Variants in IGF1R observed in about 807,000 individuals in gnomAD.
IGF1R encodes insulin-like growth factor 1 receptor.
IGF1R carries 44 observed loss-of-function variants against 144.6 expected under a neutral mutation model. The ratio of observed to expected loss-of-function variants is 0.30; its 90% confidence interval spans 0.24 to 0.39. The LOEUF (loss-of-function observed/expected upper bound fraction) is 0.39. Ranked by LOEUF, IGF1R falls within the 10% of genes least tolerant of loss-of-function variation. The pLI is 1.00. For synonymous variants in IGF1R, 795 were observed against 722.8 expected, an observed-to-expected ratio of 1.10 and a Z score of -1.60; for missense variants, 1,355 against 1,833.7, an observed-to-expected ratio of 0.74 and a Z score of 4.77.
At chr15:98,884,683 C>CAA (rs35707888) in intron 2 of IGF1R, among the ~76,000 whole-genome samples, 15,081 of 79,834 alleles carry the variant, frequency 0.19, 1,779 homozygotes, top group East Asian at 0.39. Context: ...CACTCCGTCT[C>CAA]AAAAAAAAAA....
At chr15:98,889,019 T>C (rs960975054) in intron 2 of IGF1R, among the ~76,000 whole-genome samples, 1 of 152,214 alleles carries the variant, frequency 6.6e-6, no homozygotes, top group Non-Finnish European at 1.5e-5. Flanking sequence ...TCAGGAGTCT[T>C]CCAGGAAGTT....
intron 2 of IGF1R, among the ~76,000 whole-genome samples, chr15:98,797,856 T>C (rs2056282106): frequency 6.6e-6 from 1 of 152,042 alleles, no homozygotes; most frequent in Non-Finnish European, 1.5e-5. Flanking sequence ...TGTCAGACAG[T>C]GGTAAGTGCT....
chr15:98,902,362 A>G (rs2014524454), intron 5 of IGF1R, among the ~76,000 whole-genome samples: 2 of 150,218 alleles, frequency 1.3e-5, no homozygotes, highest in Admixed American at 6.6e-5. Context: ...CTGCTGCCTA[A>G]TGTTTTAGAG....
chr15:98,877,919 T>A (rs976503549), intron 2 of IGF1R, among the ~76,000 whole-genome samples: 3 of 152,232 alleles, frequency 2.0e-5, no homozygotes, highest in African/African-American at 7.2e-5. Context: ...TCGTTTAAGT[T>A]ATGTTGACAT....
At chr15:98,864,677 C>T (rs560832328) in intron 2 of IGF1R, among the ~76,000 whole-genome samples, 23 of 152,168 alleles carry the variant, frequency 1.5e-4, no homozygotes, top group Non-Finnish European at 2.9e-5. Flanking sequence ...GGAGCCACAG[C>T]GCTCAGCCTA....
intron 1 of IGF1R, among the ~76,000 whole-genome samples, chr15:98,706,251 T>C (rs1021434358): frequency 6.6e-6 from 1 of 152,270 alleles, no homozygotes; most frequent in Non-Finnish European, 1.5e-5. Context: ...ATCATACATG[T>C]TGGGTGCTTC....
chr15:98,763,446 G>A (rs181684634), intron 2 of IGF1R, among the ~76,000 whole-genome samples: 8 of 151,850 alleles, frequency 5.3e-5, no homozygotes, highest in African/African-American at 1.9e-4. Context: ...ACCTGACGTG[G>A]CTGGGACTCC....
chr15:98,797,481 G>A (rs890594542), intron 2 of IGF1R, among the ~76,000 whole-genome samples: 9 of 152,156 alleles, frequency 5.9e-5, no homozygotes, highest in African/African-American at 9.7e-5. Context: ...TCTTTGCGTC[G>A]GAGCCATGTC....
chr15:98,679,641 T>A (rs1171923349), intron 1 of IGF1R, among the ~76,000 whole-genome samples: 1 of 152,232 alleles, frequency 6.6e-6, no homozygotes, highest in African/African-American at 2.4e-5. Context: ...TACTTGATAA[T>A]AAACAACCAT....
intron 20 of IGF1R, chr15:98,953,126 A>T (rs888840276): frequency 6.6e-6 from 1 of 152,110 alleles, no homozygotes; most frequent in Non-Finnish European, 1.5e-5. Flanking sequence ...AAAGTGTGTG[A>T]GTTGTGTGGT....
At position 98,919,439 on chromosome 15, in the gene IGF1R, T is replaced by G. The variant is rs117415053; in HGVS notation, c.2201+2563T>G. 1.4e-3 allele frequency among the ~76,000 whole-genome samples: 216 copies of G among 152,276 alleles called. 1 individual carries two copies. The East Asian group carries it at 0.016, about 11-fold the overall frequency. ...GTTGTGAGTCAAGGTTTTGGAAAGATTTTGCTGAAAGGCCCCTTGCTTTCA... is the reference window on the plus strand; with the variant it reads ...GTTGTGAGTCAAGGTTTTGGAAAGAGTTTGCTGAAAGGCCCCTTGCTTTCA... On this transcript the variant is annotated intron_variant, in intron 10 of 20. Transcript: ENST00000650285.
intron 2 of IGF1R, among the ~76,000 whole-genome samples, chr15:98,787,369 C>T (rs2056022879): frequency 6.6e-6 from 1 of 152,192 alleles, no homozygotes; most frequent in African/African-American, 2.4e-5. Context: ...GAAACCCATG[C>T]TCACAAAACC....
intron 1 of IGF1R, among the ~76,000 whole-genome samples, chr15:98,693,603 C>T (rs7170290): frequency 0.082 from 12,503 of 152,094 alleles, 706 homozygotes; most frequent in African/African-American, 0.15. Flanking sequence ...ATCGAATGAC[C>T]TCCTGTTTTG....
chr15:98,675,264 C>G (rs1057216543), intron 1 of IGF1R, among the ~76,000 whole-genome samples: 4 of 152,062 alleles, frequency 2.6e-5, no homozygotes, highest in Non-Finnish European at 5.9e-5. Flanking sequence ...GCTGGGATTA[C>G]AGGTGTGAGC....
chr15:98,865,809 C>T (rs1270265100), intron 2 of IGF1R, among the ~76,000 whole-genome samples: 1 of 152,158 alleles, frequency 6.6e-6, no homozygotes, highest in South Asian at 2.1e-4. Context: ...CCGTGGTTCA[C>T]GATCCATTTT....
intron 8 of IGF1R, among the ~76,000 whole-genome samples, chr15:98,914,792 G>A (rs990552526): frequency 6.6e-6 from 1 of 152,170 alleles, no homozygotes; most frequent in Admixed American, 6.5e-5. Context: ...GGAGACAGAC[G>A]AGAACTTGGT....
At chr15:98,751,494 GGTAGT>G (rs766933433) in intron 2 of IGF1R, among the ~76,000 whole-genome samples, 1 of 152,136 alleles carries the variant, frequency 6.6e-6, no homozygotes, top group Non-Finnish European at 1.5e-5. Flanking sequence ...TGATTTTAAT[GGTAGT>G]GTAAAGTGAC....
At position 98,780,587 on chromosome 15, in the gene IGF1R, T is replaced by G. The variant is rs1388154040; in HGVS notation, c.640+72480T>G. ...AAAAAAAAAAAAAAGAGAGAGAGAG[T>G]AAATAAAATTGTAAGGTGAATATGT... is the stretch of plus-strand genomic sequence containing the variant. On this transcript the variant is annotated intron_variant, in intron 2 of 20. Transcript: ENST00000650285. Among the ~76,000 whole-genome samples, 43 of 102,336 alleles carry G rather than the reference T, an allele frequency of 4.2e-4. 4 individuals are homozygous for G. The highest frequency in any genetic ancestry group is 6.5e-4 in the South Asian group (2 of 3,056). 67.1% of individuals were successfully genotyped at this position (102,336 alleles called of 152,430 possible).
At chr15:98,902,119 G>A (rs1351162180) in intron 5 of IGF1R, among the ~76,000 whole-genome samples, 1 of 152,066 alleles carries the variant, frequency 6.6e-6, no homozygotes, top group Admixed American at 6.6e-5. Flanking sequence ...GGAATCATTG[G>A]GGGTGGGGGC....
Sources: allele counts gnomAD v4.1 joint callset (sites outside exome capture counted in the v4.1 genomes callset), GRCh38; gene constraint gnomAD v4.1.1; transcripts MANE v1.5; gene names NCBI Gene and HGNC (gene_info 2026-07-23, HGNC 2026-07-21).